FBN2: variants seen among roughly 807,000 people sequenced by gnomAD.
FBN2 encodes the protein fibrillin-2.
A neutral mutation model predicts 355.6 loss-of-function variants in FBN2; 105 were observed. That is an observed-to-expected ratio of 0.30 (90% CI 0.25 to 0.35). The LOEUF is 0.35. FBN2 is among the 10% of genes least tolerant of loss of function. FBN2 has a pLI of 1.00. For synonymous variants in FBN2, 1,350 were observed against 1,301.2 expected (o/e 1.04, Z -0.81); for missense variants, 3,280 against 3,758.7 (o/e 0.87, Z 3.33).
intron 15 of FBN2, among the ~76,000 whole-genome samples, chr5:128,371,434 T>C (rs183627722): frequency 6.6e-6 from 1 of 152,068 alleles, no homozygotes; most frequent in African/African-American, 2.4e-5. Flanking sequence ...TCTCTCTTTT[T>C]CTTTCTTTTC....
intron 5 of FBN2, among the ~76,000 whole-genome samples, chr5:128,509,978 T>C (rs1256685739): frequency 5.3e-5 from 8 of 152,184 alleles, no homozygotes; most frequent in Admixed American, 5.2e-4. Context: ...ATTCCTCACA[T>C]GAATGTGATT....
chr5:128,385,194 G>C (rs1462077395), intron 11 of FBN2, among the ~76,000 whole-genome samples: 1 of 151,932 alleles, frequency 6.6e-6, no homozygotes, highest in Non-Finnish European at 1.5e-5. Context: ...GTAGCTTTTC[G>C]ATCCTCACCC....
At chr5:128,482,365 C>T (rs1755216521) in intron 5 of FBN2, among the ~76,000 whole-genome samples, 1 of 152,084 alleles carries the variant, frequency 6.6e-6, no homozygotes, top group South Asian at 2.1e-4. Context: ...TTACTGCTGG[C>T]AACTTCCCCT....
chr5:128,311,914 C>T lies in FBN2; in HGVS notation c.4919G>A (p.Arg1640Lys). 2 of 1,612,698 alleles carry T rather than the reference C, an allele frequency of 1.2e-6. No homozygotes were observed. Among genetic ancestry groups the T allele is most frequent in the Middle Eastern group, 1.7e-4 (1 of 6,060 alleles). ...YTLCPGGEGF[R>K]PNPITIILED... ...TAAAATGATTGTGATGGGGTTAGGT[C>T]TGAAGCCTTCACCTCCGGGACACAG... Residue 1640 changes from arginine to lysine, a missense_variant, in exon 38 of 65, where the codon AGA becomes AAA. By Grantham distance (26) the Arg-to-Lys change is conservative. This residue lies in a region of FBN2 where 2,284 missense variants were observed against 2,749.5 expected (regional missense o/e 0.83). Transcript: ENST00000262464.
At chr5:128,352,158 C>T (rs1161819885) in intron 20 of FBN2, among the ~76,000 whole-genome samples, 1 of 152,148 alleles carries the variant, frequency 6.6e-6, no homozygotes, top group Non-Finnish European at 1.5e-5. Context: ...AAAACCCTCA[C>T]TAATGCATTC....
intron 3 of FBN2, among the ~76,000 whole-genome samples, chr5:128,529,515 A>G (rs574862013): frequency 2.0e-5 from 3 of 152,342 alleles, no homozygotes; most frequent in South Asian, 4.1e-4. Flanking sequence ...CCCAAGGCCA[A>G]ATGAATGCAC....
intron 6 of FBN2, among the ~76,000 whole-genome samples, chr5:128,450,333 A>G (rs770262626): frequency 1.2e-4 from 18 of 152,262 alleles, no homozygotes; most frequent in African/African-American, 2.6e-4. Context: ...ATAATCCAAA[A>G]TATGTTCTCC....
chr5:128,276,207 A>G, intron 58 of FBN2, 47 bp from the exon 59 acceptor site: 2 of 1,594,482 alleles, frequency 1.3e-6, no homozygotes, highest in Non-Finnish European at 1.7e-6. Flanking sequence ...AAAAGAAACA[A>G]CCAGACTCTT....
In FBN2 at chr5:128,309,451, T is replaced by A. The variant is rs757860330; in HGVS notation, c.5201-52A>T. 2.6e-6 allele frequency: 4 copies of A among 1,514,612 alleles called. No homozygotes were observed. The South Asian group carries it at 4.5e-5, about 17-fold the overall frequency. The allele number at this position is 1,514,612 out of a possible 1,614,324, so 93.8% of individuals were successfully genotyped here. On this transcript the variant is annotated intron_variant, in intron 40 of 64. Coordinates refer to ENST00000262464, the MANE Select transcript of FBN2 (RefSeq NM_001999.4). ...GCCATTTGTATCCACGAGTAGTTTA[T>A]AATGAAGCCCACACAGCTGTAGACA...
intron 7 of FBN2, chr5:128,441,938 A>C (rs1010665850): frequency 6.6e-6 from 1 of 152,324 alleles, no homozygotes; most frequent in Admixed American, 6.6e-5. Context: ...ATGTTAATGG[A>C]TTTATTTTTA....
Position 128,398,249 on chromosome 5 carries a change from G to T in FBN2, c.1079-2975C>A, listed in dbSNP as rs150041322. On this transcript the variant is annotated intron_variant, in intron 8 of 64. Coordinates refer to ENST00000262464, the MANE Select transcript of FBN2 (RefSeq NM_001999.4). ...TCTCATAAAGTTCCTAGAAAAAAGA[G>T]CTGCTAACAGGAAAATACATTAATA... is the stretch of plus-strand genomic sequence containing the variant. Among the ~76,000 whole-genome samples the T allele has an allele frequency of 6.4e-3, 969 of 152,074 alleles. 12 individuals are homozygous for T. Among genetic ancestry groups the T allele is most frequent in the African/African-American group, 0.022 (908 of 41,534 alleles).
At position 128,446,594 on chromosome 5, in the gene FBN2, C is replaced by T. The variant is rs1754070251; in HGVS notation, c.839G>A (p.Cys280Tyr). 6.2e-7 allele frequency: 1 copy of T among 1,613,410 alleles called. No homozygotes were observed. The highest frequency in any genetic ancestry group is 8.5e-7 in the Non-Finnish European group (1 of 1,179,476). Residue 280 changes from cysteine to tyrosine, a missense_variant, in exon 7 of 65, where the codon TGC (cysteine) becomes TAC (tyrosine). By Grantham distance (194) the Cys-to-Tyr change is radical. Coordinates refer to ENST00000262464, the MANE Select transcript of FBN2 (RefSeq NM_001999.4). ...RTGACQDVDE[C>Y]QAIPGICQGG... Reference sequence around the variant, plus strand: ...TTGGCATATCCCTGGGATAGCCTGGCATTCATCAACATCTGCAAGAAGAAA... The same window carrying T: ...TTGGCATATCCCTGGGATAGCCTGGTATTCATCAACATCTGCAAGAAGAAA...
intron 25 of FBN2, among the ~76,000 whole-genome samples, chr5:128,342,959 C>A (rs1751067094): frequency 6.6e-6 from 1 of 151,922 alleles, no homozygotes; most frequent in East Asian, 1.9e-4. Context: ...AACTCCTGAC[C>A]CCAGGTGATC....
intron 11 of FBN2, among the ~76,000 whole-genome samples, chr5:128,381,248 G>T (rs536199183): frequency 5.3e-5 from 8 of 152,000 alleles, no homozygotes; most frequent in Non-Finnish European, 1.2e-4. Flanking sequence ...TCAAGAAAAA[G>T]AGAAAAATAT....
intron 5 of FBN2, among the ~76,000 whole-genome samples, chr5:128,476,136 A>G (rs1755001871): frequency 6.6e-6 from 1 of 152,208 alleles, no homozygotes; most frequent in Non-Finnish European, 1.5e-5. Context: ...CATTAGTTCA[A>G]TGAAGGACAC....
At chr5:128,348,527 A>G (rs1751247230) in intron 23 of FBN2, among the ~76,000 whole-genome samples, 1 of 152,068 alleles carries the variant, frequency 6.6e-6, no homozygotes, top group South Asian at 2.1e-4. Flanking sequence ...TCTTACAGTA[A>G]ATTTTAAAAA....
At position 128,261,721 on chromosome 5, in the gene FBN2, G is replaced by C; in HGVS notation, c.8364+15C>G. On this transcript the variant is annotated intron_variant, in intron 64 of 64. Coordinates refer to ENST00000262464, the MANE Select transcript of FBN2 (RefSeq NM_001999.4). ...GGATAAAATTTTGTGGCAACACAGA[G>C]TGGGATATACTCACAGCAGTGGGAT... is the stretch of plus-strand genomic sequence containing the variant. 6.2e-7 allele frequency: 1 copy of C among 1,613,626 alleles called. No individual in the cohort carries two copies. Among genetic ancestry groups the C allele is most frequent in the Non-Finnish European group, 8.5e-7 (1 of 1,179,538 alleles).
In FBN2 at chr5:128,530,624, T is replaced by C. The variant is rs754453697; in HGVS notation, c.407A>G (p.Gln136Arg). 9 of 1,612,664 alleles carry C rather than the reference T, an allele frequency of 5.6e-6. No homozygotes were observed. The highest frequency in any genetic ancestry group is 8.5e-7 in the Non-Finnish European group (1 of 1,178,920). ...RPNMCTCSSGQISSTCGSKSI... is the reference protein window; with the variant it reads ...RPNMCTCSSGRISSTCGSKSI... Reference sequence around the variant, plus strand: ...TTTTGATCCACAGGTTGATGATATTTGCCCACTGGAACAAGTACACATGTT... The same window carrying C: ...TTTTGATCCACAGGTTGATGATATTCGCCCACTGGAACAAGTACACATGTT... The change falls in exon 3 of 65, where the codon CAA becomes CGA. Residue 136 changes from glutamine to arginine, a missense_variant. By Grantham distance (43) the Gln-to-Arg change is conservative. Around this residue, in one of 6 missense-constraint regions of FBN2, gnomAD observed 130 missense variants for 189.9 expected, o/e 0.68. Coordinates refer to ENST00000262464, the MANE Select transcript of FBN2 (RefSeq NM_001999.4).
At chr5:128,378,257 C>A (rs528060772) in intron 12 of FBN2, among the ~76,000 whole-genome samples, 1 of 152,058 alleles carries the variant, frequency 6.6e-6, no homozygotes, top group South Asian at 2.1e-4. Context: ...ATGAAAACTG[C>A]TGGAAAGTTG....
Sources: allele counts gnomAD v4.1 joint callset (sites outside exome capture counted in the v4.1 genomes callset), GRCh38; gene constraint gnomAD v4.1.1; regional missense constraint gnomAD v4.1.1; transcripts MANE v1.5; gene names NCBI Gene and HGNC (gene_info 2026-07-23, HGNC 2026-07-21).